Variants in ABLIM2 observed in about 807,000 individuals in gnomAD.
ABLIM2 encodes actin binding LIM protein family member 2, also known as actin-binding LIM protein 2.
ABLIM2 carries 53 observed loss-of-function variants against 97.7 expected under a neutral mutation model. The ratio of observed to expected loss-of-function variants is 0.54; its 90% CI spans 0.44 to 0.68. The LOEUF (loss-of-function observed/expected upper bound fraction) is 0.68, where lower values mean the gene tolerates loss of function less well. Among genes scored for constraint, ABLIM2 ranks in the 30% least tolerant of loss-of-function variants. The pLI is 0.00. For missense variants in ABLIM2, 835 were observed against 867.2 expected, an observed-to-expected ratio of 0.96 and a Z score of 0.47; for synonymous variants, 361 against 345.8, an observed-to-expected ratio of 1.04 and a Z score of -0.49.
intron 3 of ABLIM2, among the ~76,000 whole-genome samples, chr4:8,091,918 A>C (rs1389876001): frequency 1.6e-5 from 2 of 125,614 alleles, no homozygotes; most frequent in African/African-American, 3.0e-5. Context: ...TATTGTTATA[A>C]TATATAATGT....
rs183985320 is a variant in ABLIM2, at chr4:8,104,985, C to T, written c.154+1509G>A. 6.6e-5 allele frequency among the ~76,000 whole-genome samples: 10 copies of T among 152,348 alleles called. No homozygotes were observed. The East Asian group carries it at 1.9e-3, about 29-fold the overall frequency. On this transcript the variant is annotated intron_variant, in intron 2 of 20. Coordinates refer to ENST00000447017, the MANE Select transcript of ABLIM2 (RefSeq NM_001130083.2). ...CTCCCACTCACACCCAGGAGACCCT[C>T]AAGGCGCCTCCACAGAAACCCAGGA...
chr4:8,127,889 C>A lies in ABLIM2; in HGVS notation c.11-21252G>T, dbSNP rs781174892. Among the ~76,000 whole-genome samples the A allele has an allele frequency of 6.6e-6, 1 of 152,150 alleles. No individual in the cohort carries two copies. Among genetic ancestry groups the A allele is most frequent in the African/African-American group, 2.4e-5 (1 of 41,436 alleles). On this transcript the variant is annotated intron_variant, in intron 1 of 20. Coordinates refer to ENST00000447017, the MANE Select transcript of ABLIM2 (RefSeq NM_001130083.2). This position sits in a 1 kb window ranked among gnomAD's most constrained non-coding sequence, Gnocchi z 7.3. ...GTGGGGGTGGGGAGCATCTGCTGAC[C>A]CTTCCTCCATGTGTAGGGGCAGCAA...
intron 1 of ABLIM2, among the ~76,000 whole-genome samples, chr4:8,157,162 CCA>C (rs1481381814): frequency 6.6e-6 from 1 of 152,218 alleles, no homozygotes; most frequent in East Asian, 1.9e-4. Flanking sequence ...GGTTCAAACC[CCA>C]GTCTCTGCCC....
chr4:8,041,025 A>C (rs180894956), intron 9 of ABLIM2, among the ~76,000 whole-genome samples: 225 of 152,354 alleles, frequency 1.5e-3, no homozygotes, highest in African/African-American at 5.2e-3. Context: ...TGTCAAACTA[A>C]GAGCCGGGAG....
intron 6 of ABLIM2, among the ~76,000 whole-genome samples, chr4:8,070,963 G>A (rs865927080): frequency 1.5e-4 from 23 of 152,156 alleles, no homozygotes; most frequent in African/African-American, 2.4e-4. Flanking sequence ...CTGGAAACAG[G>A]CACCCCCACT....
intron 1 of ABLIM2, among the ~76,000 whole-genome samples, chr4:8,119,304 C>A (rs1844203809): frequency 6.7e-6 from 1 of 148,824 alleles, no homozygotes; most frequent in Non-Finnish European, 1.5e-5. Flanking sequence ...AGTCTTGTGG[C>A]ACAGGTCTCG....
At chr4:8,121,205 G>C (rs374722159) in intron 1 of ABLIM2, among the ~76,000 whole-genome samples, 4 of 152,284 alleles carry the variant, frequency 2.6e-5, no homozygotes, top group Non-Finnish European at 4.4e-5. Context: ...GTGATGTGAC[G>C]GTGACCACAC....
rs538366794 is a variant in ABLIM2, at chr4:8,069,276, C to T, written c.676-8222G>A. On this transcript the variant is annotated intron_variant, in intron 6 of 20. Coordinates refer to ENST00000447017, the MANE Select transcript of ABLIM2 (RefSeq NM_001130083.2). This position sits in a 1 kb window ranked among gnomAD's most constrained non-coding sequence, Gnocchi z 4.2. ...TGGGGACGTTCTGAACAAGGCAACACGGTGCCCAGGAGGCCAGCCTGAGCG... is the reference window on the plus strand; with the variant it reads ...TGGGGACGTTCTGAACAAGGCAACATGGTGCCCAGGAGGCCAGCCTGAGCG... 1.3e-5 allele frequency among the ~76,000 whole-genome samples: 2 copies of T among 152,356 alleles called. No homozygotes were observed. The highest frequency in any genetic ancestry group is 1.9e-4 in the East Asian group (1 of 5,180).
rs879414899 is a variant in ABLIM2 at position 7,966,815 on chromosome 4, C to T, written c.*175G>A. ...GCTAGCCGTCTCGGCCCTAAACTAC[C>T]GGCAGGAGTGTCGCCGGCAGGTGCA... is the stretch of plus-strand genomic sequence containing the variant. On this transcript the variant is annotated 3_prime_UTR_variant, in exon 21 of 21. Coordinates refer to ENST00000447017, the MANE Select transcript of ABLIM2 (RefSeq NM_001130083.2). The T allele has an allele frequency of 2.4e-5, 14 of 585,144 alleles. No individual in the cohort carries two copies. Among genetic ancestry groups the T allele is most frequent in the African/African-American group, 5.6e-5 (3 of 53,618 alleles). The allele number at this position is 585,144 out of a possible 1,614,324, so 36.2% of individuals were successfully genotyped here. A position where few individuals can be genotyped will look rare whatever the true frequency, so the allele number is the denominator to read the frequency against.
At chr4:8,101,584 A>T (rs1453307369) in intron 2 of ABLIM2, among the ~76,000 whole-genome samples, 1 of 152,152 alleles carries the variant, frequency 6.6e-6, no homozygotes, top group Non-Finnish European at 1.5e-5. Flanking sequence ...CCTGCCTTAC[A>T]TGCGCAGCTC....
At chr4:8,154,138 A>AT (rs1246452146) in intron 1 of ABLIM2, among the ~76,000 whole-genome samples, 4 of 148,932 alleles carry the variant, frequency 2.7e-5, no homozygotes, top group Non-Finnish European at 5.9e-5. Context: ...AATTTTTTGT[A>AT]TTTTTAGTAG....
rs1790090785 is a variant in ABLIM2 at position 8,043,457 on chromosome 4, C to A, written c.900+1707G>T. On this transcript the variant is annotated intron_variant, in intron 9 of 20. Transcript: ENST00000447017. This position sits in a 1 kb window ranked among gnomAD's most constrained non-coding sequence, Gnocchi z 4.8. ...AATTCCTGTGTTGGTAAAGTCCTAA[C>A]CCTCAGGACCTCAGAATGTGACTGC... Among the ~76,000 whole-genome samples, 1 of 152,142 alleles carries A rather than the reference C, an allele frequency of 6.6e-6. No individual in the cohort carries two copies. The highest frequency in any genetic ancestry group is 1.5e-5 in the Non-Finnish European group (1 of 68,008).
intron 1 of ABLIM2, among the ~76,000 whole-genome samples, chr4:8,152,624 G>A (rs748806802): frequency 4.6e-5 from 7 of 152,336 alleles, no homozygotes; most frequent in East Asian, 3.9e-4. Context: ...TGCGAGCCTC[G>A]GAGGTCTGCT....
chr4:8,139,679 G>A (rs1850679101), intron 1 of ABLIM2, among the ~76,000 whole-genome samples: 1 of 152,206 alleles, frequency 6.6e-6, no homozygotes, highest in Non-Finnish European at 1.5e-5. Flanking sequence ...CCACCATTGT[G>A]AAAGATAGTG....
intron 16 of ABLIM2, among the ~76,000 whole-genome samples, chr4:7,995,242 G>T (rs1752432687): frequency 1.3e-5 from 2 of 152,224 alleles, no homozygotes; most frequent in African/African-American, 4.8e-5. Flanking sequence ...GGGCCTTAAA[G>T]AGCATGGCTC....
Position 7,967,059 on chromosome 4 carries a change from G to A in ABLIM2, c.1869C>T (p.Ser623=). The A allele has an allele frequency of 6.2e-7, 1 of 1,613,876 alleles. No individual in the cohort carries two copies. The highest frequency in any genetic ancestry group is 1.3e-5 in the African/African-American group (1 of 75,058). ...GGGCCAGGCGGTCAAACTCCTCGAT[G>A]CTCATCCCAAACACTTCCTGGAACT... The part of the protein sequence containing the change: ...PEEFQEVFGM[S]IEEFDRLALW... Residue 623 remains serine (S), a synonymous_variant, in exon 21 of 21, where the codon AGC becomes AGT. Coordinates refer to ENST00000447017, the MANE Select transcript of ABLIM2 (RefSeq NM_001130083.2).
In ABLIM2 at chr4:8,019,635, G is replaced by A; in HGVS notation, c.1406C>T (p.Pro469Leu). The A allele has an allele frequency of 6.2e-7, 1 of 1,612,584 alleles. No homozygotes were observed. The highest frequency in any genetic ancestry group is 8.5e-7 in the Non-Finnish European group (1 of 1,179,426). Residue 469 changes from proline (P) to leucine (L), a missense_variant, in exon 14 of 21, where the codon CCT becomes CTT. By Grantham distance (98) the Pro-to-Leu change is moderately conservative. Coordinates refer to ENST00000447017, the MANE Select transcript of ABLIM2 (RefSeq NM_001130083.2). The surrounding 1 kb of genome is among the most constrained non-coding windows in gnomAD (Gnocchi z 4.3). ...AACCGTACCATGCTGTCTGTAGATAGGGGGTTTCCTATAGATGTTATCTTT... is the reference window on the plus strand; with the variant it reads ...AACCGTACCATGCTGTCTGTAGATAAGGGGTTTCCTATAGATGTTATCTTT... ...GVKDNIYRKP[P>L]IYRQHAARRS... is the part of the protein sequence containing the mutation.
chr4:8,085,942 A>ACT lies in ABLIM2; in HGVS notation c.454+2226_454+2227insAG, dbSNP rs907709181. On this transcript the variant is annotated intron_variant, in intron 4 of 20. Transcript: ENST00000447017. This position sits in a 1 kb window ranked among gnomAD's most constrained non-coding sequence, Gnocchi z 6.1. The stretch of plus-strand genomic sequence containing the variant: ...CCTCGGCACTTCCGCCCCCTGATGG[A>ACT]CAGAGCACCCAGCACACCCACCCCT... 2.3e-3 allele frequency among the ~76,000 whole-genome samples: 8 copies of ACT among 3,516 alleles called. No homozygotes were observed. Among genetic ancestry groups the ACT allele is most frequent in the Non-Finnish European group, 3.1e-3 (7 of 2,244 alleles). The allele number at this position is 3,516 out of a possible 152,430, so 2.3% of individuals were successfully genotyped here.
intron 8 of ABLIM2, among the ~76,000 whole-genome samples, chr4:8,051,226 C>T (rs984438210): frequency 3.9e-5 from 6 of 152,186 alleles, no homozygotes; most frequent in East Asian, 1.9e-4. Context: ...TAGCCCTGGT[C>T]GGTTTCAGTG....
Sources: gnomAD v4.1 joint callset for allele counts (sites outside exome capture counted in the v4.1 genomes callset) on GRCh38, gnomAD v4.1.1 for gene constraint, Gnocchi (gnomAD v3.1) non-coding constraint, MANE v1.5 for transcripts, NCBI Gene and HGNC (gene_info 2026-07-23, HGNC 2026-07-21) for gene names.